Variants in RNF19A observed in about 807,000 individuals in gnomAD.
The protein encoded by RNF19A is ring finger protein 19A, RBR E3 ubiquitin protein ligase.
Under a neutral mutation model 75.7 loss-of-function variants are expected in RNF19A, and 32 were observed. The ratio of observed to expected loss-of-function variants is 0.42; its 90% CI spans 0.32 to 0.57. The LOEUF is 0.57. Among genes scored for constraint, RNF19A ranks in the 20% least tolerant of loss-of-function variants. The pLI is 0.10. For synonymous variants in RNF19A, 335 were observed against 345.2 expected, an observed-to-expected ratio of 0.97 and a Z score of 0.33; for missense variants, 782 against 1,036.3, an observed-to-expected ratio of 0.75 and a Z score of 3.37.
At chr8:100,315,352 G>A (rs972907140) in intron 1 of RNF19A, among the ~76,000 whole-genome samples, 2 of 152,102 alleles carry the variant, frequency 1.3e-5, no homozygotes, top group Non-Finnish European at 2.9e-5. Context: ...TTGTGCTTCA[G>A]GACATCAAAG....
rs770166837 is a variant in RNF19A at position 100,261,295 on chromosome 8, G to A, written c.1682+247C>T. On this transcript the variant is annotated intron_variant, in intron 8 of 9. Coordinates refer to ENST00000341084, the MANE Select transcript of RNF19A (RefSeq NM_183419.4). This position sits in a 1 kb window ranked among gnomAD's most constrained non-coding sequence, Gnocchi z 4.4. ...ATTTTTTTAGTAGAGATGGGGTTTC[G>A]CCATGTTGCCCAGGCTGGTCTCGAA... 6.6e-6 allele frequency among the ~76,000 whole-genome samples: 1 copy of A among 151,890 alleles called. No homozygotes were observed. Among genetic ancestry groups the A allele is most frequent in the Non-Finnish European group, 1.5e-5 (1 of 67,956 alleles).
intron 1 of RNF19A, among the ~76,000 whole-genome samples, chr8:100,292,381 C>T (rs561879661): frequency 4.0e-5 from 6 of 150,386 alleles, no homozygotes; most frequent in Non-Finnish European, 8.8e-5. Context: ...AGCACTTTTC[C>T]TTACTGATGT....
chr8:100,267,305 G>A (rs1353733516), intron 5 of RNF19A, among the ~76,000 whole-genome samples: 2 of 152,142 alleles, frequency 1.3e-5, no homozygotes, highest in Non-Finnish European at 2.9e-5. Context: ...AAATATCGAG[G>A]TTGCTGCAGG....
Position 100,259,235 on chromosome 8 carries a change from C to T in RNF19A, c.1838G>A (p.Ser613Asn). 6.2e-7 allele frequency: 1 copy of T among 1,605,098 alleles called. No homozygotes were observed. Among genetic ancestry groups the T allele is most frequent in the Non-Finnish European group, 8.5e-7 (1 of 1,175,062 alleles). Residue 613 changes from serine (S) to asparagine (N), a missense_variant, in exon 10 of 10, where the codon AGT becomes AAT. Physicochemically the swap from Ser to Asn is conservative, Grantham distance 46 (BLOSUM62 1). This residue lies in a region of RNF19A where 442 missense variants were observed against 541.6 expected (regional missense o/e 0.82). Coordinates refer to ENST00000341084, the MANE Select transcript of RNF19A (RefSeq NM_183419.4). This position sits in a 1 kb window ranked among gnomAD's most constrained non-coding sequence, Gnocchi z 4.5. ...SYIPLDKEGN[S>N]MEVQVDIESK... ...CTCAATATCTACTTGCACCTCCATA[C>T]TGTTGCCTTCTCTGAAATATAAGAG...
intron 2 of RNF19A, among the ~76,000 whole-genome samples, chr8:100,280,353 T>C (rs1820724070): frequency 6.6e-6 from 1 of 152,138 alleles, no homozygotes; most frequent in African/African-American, 2.4e-5. Flanking sequence ...ATGTAGTGTT[T>C]GTGTGTCTGT....
At chr8:100,311,753 A>T (rs1822302030), upstream of RNF19A, among the ~76,000 whole-genome samples, 1 of 151,064 alleles carries the variant, frequency 6.6e-6, no homozygotes, top group South Asian at 2.1e-4. Flanking sequence ...AAGAAAATAG[A>T]TCAACATGTT....
In RNF19A at chr8:100,287,547, G is replaced by T. The variant is rs750710733; in HGVS notation, c.628C>A (p.Leu210Ile). The T allele has an allele frequency of 1.2e-6, 2 of 1,613,956 alleles. No homozygotes were observed. Among genetic ancestry groups the T allele is most frequent in the South Asian group, 2.2e-5 (2 of 91,072 alleles). Residue 210 changes from leucine to isoleucine, a missense_variant, in exon 2 of 10, where the codon CTT (leucine) becomes ATT (isoleucine). Physicochemically the swap from Leu to Ile is conservative, Grantham distance 5. This residue lies in a region of RNF19A where 85 missense variants were observed against 177.7 expected (regional missense o/e 0.48). Coordinates refer to ENST00000341084, the MANE Select transcript of RNF19A (RefSeq NM_183419.4). The surrounding 1 kb of genome is among the most constrained non-coding windows in gnomAD (Gnocchi z 4.1). ...KYEEFMLRRWLVADPDCRWCP... is the reference protein window; with the variant it reads ...KYEEFMLRRWIVADPDCRWCP... ...CACCTACAATCAGGATCTGCAACAA[G>T]CCACCGTCTAAGCATAAATTCTTCG...
Position 100,258,752 on chromosome 8 carries a change from T to C in RNF19A, c.2321A>G (p.Gln774Arg), listed in dbSNP as rs775412126. Residue 774 changes from glutamine to arginine, a missense_variant, in exon 10 of 10, where the codon CAG (glutamine) becomes CGG (arginine). By Grantham distance (43) the Gln-to-Arg change is conservative. Transcript: ENST00000341084. The surrounding 1 kb of genome is among the most constrained non-coding windows in gnomAD (Gnocchi z 4.3). ...TTGGGTAACCACAGAAATGCTACAC[T>C]GATGTGGGGAATTTTCCAGACGGTC... ...ENDRLENSPHQCSISVVTQTA... is the reference protein window; with the variant it reads ...ENDRLENSPHRCSISVVTQTA... The C allele has an allele frequency of 6.2e-7, 1 of 1,614,218 alleles. No individual in the cohort carries two copies. Among genetic ancestry groups the C allele is most frequent in the African/African-American group, 1.3e-5 (1 of 75,064 alleles).
At chr8:100,277,142 A>G (rs997790320) in intron 2 of RNF19A, among the ~76,000 whole-genome samples, 2 of 152,244 alleles carry the variant, frequency 1.3e-5, no homozygotes, top group Non-Finnish European at 2.9e-5. Context: ...TGTAAATACT[A>G]AACATTTCCT....
At chr8:100,268,006 C>T (rs1159189704) in intron 5 of RNF19A, among the ~76,000 whole-genome samples, 1 of 151,656 alleles carries the variant, frequency 6.6e-6, no homozygotes, top group Non-Finnish European at 1.5e-5. Flanking sequence ...AAATTGCTAT[C>T]CTTTGTTCTG....
upstream of RNF19A, chr8:100,312,431 A>G (rs1660344): frequency 0.32 from 49,290 of 152,188 alleles, 8,663 homozygotes; most frequent in East Asian, 0.41. Context: ...TGGCGAAAAT[A>G]CAAAAATTAG....
intron 3 of RNF19A, 50 bp from the exon 4 acceptor site, chr8:100,270,063 A>C: frequency 7.0e-7 from 1 of 1,420,398 alleles, no homozygotes. Flanking sequence ...TGGTCTAAAA[A>C]TAACTTCTAG....
upstream of RNF19A, chr8:100,310,314 C>T (rs1822256957): frequency 1.1e-6 from 1 of 902,526 alleles, no homozygotes; most frequent in Non-Finnish European, 1.3e-6. Flanking sequence ...CGGGTGGCCC[C>T]GACTGCGGCC....
chr8:100,309,618 G>A (rs1264208153), intron 1 of RNF19A: 39 of 947,538 alleles, frequency 4.1e-5, no homozygotes, highest in Non-Finnish European at 2.4e-5. Flanking sequence ...CGCGGCCCGG[G>A]AGACGCCCGC....
At position 100,261,452 on chromosome 8, in the gene RNF19A, A is replaced by C; in HGVS notation, c.1682+90T>G. The stretch of plus-strand genomic sequence containing the variant: ...GAACCTTGACATAGTAGGGTTATAT[A>C]TAATCATCATGCTTTATGTTCAAAA... On this transcript the variant is annotated intron_variant, in intron 8 of 9. Coordinates refer to ENST00000341084, the MANE Select transcript of RNF19A (RefSeq NM_183419.4). This position sits in a 1 kb window ranked among gnomAD's most constrained non-coding sequence, Gnocchi z 4.4. The C allele has an allele frequency of 8.8e-7, 1 of 1,139,308 alleles. No individual in the cohort carries two copies. The highest frequency in any genetic ancestry group is 1.9e-5 in the Admixed American group (1 of 53,892). The allele number at this position is 1,139,308 out of a possible 1,614,324, so 70.6% of individuals were successfully genotyped here.
chr8:100,313,084 A>G (rs868332184), upstream of RNF19A, among the ~76,000 whole-genome samples: 1 of 152,312 alleles, frequency 6.6e-6, no homozygotes, highest in Middle Eastern at 3.4e-3. Flanking sequence ...TTTTGGCAGT[A>G]TTCTCTTTTG....
chr8:100,319,829 C>CT (rs1173965539), intron 1 of RNF19A, among the ~76,000 whole-genome samples: 27 of 145,018 alleles, frequency 1.9e-4, no homozygotes, highest in African/African-American at 4.8e-4. Flanking sequence ...CGCGTCCAGG[C>CT]TTTTTTTTTC....
At chr8:100,309,233 T>G in intron 1 of RNF19A, 1 of 791,594 alleles carries the variant, frequency 1.3e-6, no homozygotes, top group Non-Finnish European at 1.5e-6. Context: ...ACCCCAAGGC[T>G]ACACCATTTT....
intron 2 of RNF19A, among the ~76,000 whole-genome samples, chr8:100,277,354 C>T (rs1820572227): frequency 6.6e-6 from 1 of 152,078 alleles, no homozygotes; most frequent in African/African-American, 2.4e-5. Context: ...CTTTGTTGCC[C>T]AGGTTAGAGT....
Sources: gnomAD v4.1 joint callset for allele counts (sites outside exome capture counted in the v4.1 genomes callset) on GRCh38, gnomAD v4.1.1 for gene constraint, gnomAD v4.1.1 regional missense constraint, Gnocchi (gnomAD v3.1) non-coding constraint, MANE v1.5 for transcripts, NCBI Gene and HGNC (gene_info 2026-07-23, HGNC 2026-07-21) for gene names.